Variants in KCNIP4 observed in about 807,000 individuals in gnomAD.
KCNIP4 encodes the protein Kv channel-interacting protein 4.
In KCNIP4, 12 loss-of-function variants were observed where a neutral mutation model predicts 34.0. That is an observed-to-expected ratio of 0.35 (90% confidence interval 0.23 to 0.57). The LOEUF is 0.57. Ranked by LOEUF, KCNIP4 falls within the 20% of genes least tolerant of loss-of-function variation. The pLI is 0.83. For missense variants in KCNIP4, 238 were observed against 311.7 expected (o/e 0.76, Z 1.78); for synonymous variants, 124 against 102.2 (o/e 1.21, Z -1.29).
intron 3 of KCNIP4, among the ~76,000 whole-genome samples, chr4:20,826,253 G>T (rs1396864417): frequency 2.0e-5 from 3 of 152,114 alleles, no homozygotes; most frequent in Admixed American, 1.3e-4. Flanking sequence ...CTGAGAGGAA[G>T]GAGCTTATAG....
intron 1 of KCNIP4, among the ~76,000 whole-genome samples, chr4:21,385,765 T>G (rs1721971004): frequency 6.6e-6 from 1 of 152,150 alleles, no homozygotes; most frequent in Admixed American, 6.5e-5. Context: ...CAGGTGCTGA[T>G]GGAGCCAACC....
intron 1 of KCNIP4, among the ~76,000 whole-genome samples, chr4:21,009,605 T>TTAC (rs1738892300): frequency 6.6e-6 from 1 of 152,228 alleles, no homozygotes; most frequent in Non-Finnish European, 1.5e-5. Flanking sequence ...GTGCATTTAA[T>TTAC]TACTATCTCA....
rs78772470 is a variant in KCNIP4, at chr4:21,338,033, T to A, written c.62-455324A>T. Among the ~76,000 whole-genome samples the A allele has an allele frequency of 2.9e-3, 443 of 152,242 alleles. 2 individuals carry two copies. Among genetic ancestry groups the A allele is most frequent in the African/African-American group, 9.8e-3 (408 of 41,542 alleles). On this transcript the variant is annotated intron_variant, in intron 1 of 8. Transcript: ENST00000382152. ...ACTTTCTGCTCCACCATTCTGGATATGTAGCTTTTGTCCTTGGCTTCAAGA... is the reference window on the plus strand; with the variant it reads ...ACTTTCTGCTCCACCATTCTGGATAAGTAGCTTTTGTCCTTGGCTTCAAGA...
At chr4:21,542,751 AAG>A (rs147281362) in intron 1 of KCNIP4, among the ~76,000 whole-genome samples, 1,657 of 151,268 alleles carry the variant, frequency 0.011, 31 homozygotes, top group African/African-American at 0.037. Flanking sequence ...TCATTAGTAC[AAG>A]AGAGAGAAAT....
At chr4:21,682,988 T>C (rs1750497453) in intron 1 of KCNIP4, among the ~76,000 whole-genome samples, 3 of 152,214 alleles carry the variant, frequency 2.0e-5, no homozygotes, top group African/African-American at 7.2e-5. Flanking sequence ...ACATGTGTTT[T>C]TGGAAGAATG....
chr4:21,554,801 T>G (rs1029088353), intron 1 of KCNIP4, among the ~76,000 whole-genome samples: 2 of 152,130 alleles, frequency 1.3e-5, no homozygotes, highest in African/African-American at 4.8e-5. Context: ...CCTTCCTCCT[T>G]TTCTGACTGT....
intron 1 of KCNIP4, among the ~76,000 whole-genome samples, chr4:21,210,661 A>G (rs1757158368): frequency 6.6e-6 from 1 of 151,702 alleles, no homozygotes; most frequent in Non-Finnish European, 1.5e-5. Flanking sequence ...TTATATTACT[A>G]TAAAAATTTA....
At chr4:21,805,335 C>G (rs1721227724) in intron 1 of KCNIP4, among the ~76,000 whole-genome samples, 2 of 151,972 alleles carry the variant, frequency 1.3e-5, no homozygotes, top group Admixed American at 1.3e-4. Flanking sequence ...GAGGGAGGGA[C>G]CTGGTGAGAG....
intron 5 of KCNIP4, among the ~76,000 whole-genome samples, chr4:20,744,775 A>C (rs1251536613): frequency 6.6e-6 from 1 of 152,136 alleles, no homozygotes; most frequent in African/African-American, 2.4e-5. Context: ...AATAATAATA[A>C]AAATATAAAA....
In KCNIP4 at chr4:20,932,572, C is replaced by T. The variant is rs116645032; in HGVS notation, c.62-49863G>A. ...TTTTAACTGCCTTTTCCCCAACCCC[C>T]ACCCAAAGATAACTATGCGAGATGA... is the stretch of plus-strand genomic sequence containing the variant. On this transcript the variant is annotated intron_variant, in intron 1 of 8. Transcript: ENST00000382152. 2.7e-3 allele frequency among the ~76,000 whole-genome samples: 416 copies of T among 152,162 alleles called. 4 individuals carry two copies. Among genetic ancestry groups the T allele is most frequent in the African/African-American group, 9.7e-3 (403 of 41,538 alleles).
chr4:21,896,843 C>T lies in KCNIP4; in HGVS notation c.61+51728G>A, dbSNP rs574663664. On this transcript the variant is annotated intron_variant, in intron 1 of 8. Transcript: ENST00000382152. ...CTGAGGCAGGAAAATTGCTTGAACC[C>T]GGGAGATGGAGGGTGCAGCGAGCCA... Among the ~76,000 whole-genome samples the T allele has an allele frequency of 1.3e-4, 19 of 151,810 alleles. No individual in the cohort carries two copies. The East Asian group carries it at 2.3e-3, about 19-fold the overall frequency.
chr4:21,527,022 T>C (rs929286232), intron 1 of KCNIP4, among the ~76,000 whole-genome samples: 1 of 152,210 alleles, frequency 6.6e-6, no homozygotes, highest in African/African-American at 2.4e-5. Flanking sequence ...AAGCTTTTCC[T>C]ACATACATCT....
At chr4:21,555,192 T>C (rs1050037421) in intron 1 of KCNIP4, among the ~76,000 whole-genome samples, 4 of 152,244 alleles carry the variant, frequency 2.6e-5, no homozygotes, top group African/African-American at 9.6e-5. Context: ...CAGGGCAAGC[T>C]GCATTAACCT....
intron 1 of KCNIP4, among the ~76,000 whole-genome samples, chr4:20,924,538 A>G (rs764145403): frequency 6.6e-6 from 1 of 152,180 alleles, no homozygotes; most frequent in Non-Finnish European, 1.5e-5. Context: ...TATATCCTAC[A>G]ATCTAGCACA....
chr4:20,768,518 T>A (rs1323456459), intron 3 of KCNIP4, among the ~76,000 whole-genome samples: 1 of 152,212 alleles, frequency 6.6e-6, no homozygotes, highest in East Asian at 1.9e-4. Context: ...GAAAAGCTGA[T>A]CATTAAGAAC....
intron 1 of KCNIP4, among the ~76,000 whole-genome samples, chr4:21,039,938 C>T (rs149989713): frequency 5.1e-4 from 78 of 152,280 alleles, no homozygotes; most frequent in African/African-American, 1.7e-3. Flanking sequence ...CTCACAGTTC[C>T]TCATGGCTGG....
At chr4:21,761,019 T>C (rs2109168631) in intron 1 of KCNIP4, among the ~76,000 whole-genome samples, 1 of 152,270 alleles carries the variant, frequency 6.6e-6, no homozygotes, top group Non-Finnish European at 1.5e-5. Context: ...AAATAACGTT[T>C]TGCACTTGTA....
intron 1 of KCNIP4, among the ~76,000 whole-genome samples, chr4:21,331,516 T>G (rs76369373): frequency 0.078 from 11,901 of 152,220 alleles, 714 homozygotes; most frequent in African/African-American, 0.17. Flanking sequence ...GCCCAGAAGC[T>G]GGGGCCCAGT....
intron 1 of KCNIP4, among the ~76,000 whole-genome samples, chr4:21,743,175 A>G (rs1309993007): frequency 6.6e-6 from 1 of 152,152 alleles, no homozygotes; most frequent in East Asian, 1.9e-4. Context: ...TTATTTTCTC[A>G]CAGGTCTGGA....
Sources: gnomAD v4.1 joint callset for allele counts (sites outside exome capture counted in the v4.1 genomes callset) on GRCh38, gnomAD v4.1.1 for gene constraint, MANE v1.5 for transcripts, NCBI Gene and HGNC (gene_info 2026-07-23, HGNC 2026-07-21) for gene names.